HDAC9: variants seen among roughly 807,000 people sequenced by gnomAD.
HDAC9 encodes the protein MEF-2 interacting transcription repressor (MITR) protein.
A neutral mutation model predicts 139.4 loss-of-function variants in HDAC9; 41 were observed. The ratio of observed to expected loss-of-function variants is 0.29; its 90% CI spans 0.23 to 0.38. HDAC9 has a LOEUF of 0.38. HDAC9 is among the 10% of genes least tolerant of loss of function. The pLI, the probability that HDAC9 is intolerant of heterozygous loss-of-function variation, is 1.00. For missense variants in HDAC9, 1,147 were observed against 1,297.0 expected (o/e 0.88, Z 1.78); for synonymous variants, 517 against 476.2 (o/e 1.09, Z -1.12).
chr7:18,725,717 C>G (rs150000421), intron 12 of HDAC9, among the ~76,000 whole-genome samples: 3 of 152,222 alleles, frequency 2.0e-5, no homozygotes, highest in East Asian at 3.9e-4. Flanking sequence ...GCTTCCTTTT[C>G]CCGACATAAC....
At chr7:18,641,266 T>C (rs1270268001) in intron 8 of HDAC9, among the ~76,000 whole-genome samples, 1 of 152,070 alleles carries the variant, frequency 6.6e-6, no homozygotes, top group Non-Finnish European at 1.5e-5. Flanking sequence ...AGGAGAGAAA[T>C]TAAATAAGAT....
chr7:18,501,353 G>A (rs1214073078), intron 2 of HDAC9, among the ~76,000 whole-genome samples: 7 of 151,932 alleles, frequency 4.6e-5, no homozygotes, highest in Non-Finnish European at 8.8e-5. Context: ...CCCTTTCTGA[G>A]CAGGGACAGA....
chr7:18,290,176 G>A (rs966298380), upstream of HDAC9: 4 of 203,676 alleles, frequency 2.0e-5, no homozygotes, highest in Admixed American at 1.0e-4. Context: ...GCTGGTTTCT[G>A]TAGTCTATTA....
intron 24 of HDAC9, among the ~76,000 whole-genome samples, chr7:18,968,038 C>T (rs1362433682): frequency 1.3e-5 from 2 of 151,304 alleles, no homozygotes; most frequent in African/African-American, 2.4e-5. Context: ...GGCATATGCC[C>T]GTAATCCCAG....
At chr7:18,228,942 A>G (rs1178875408) in intron 2 of HDAC9, among the ~76,000 whole-genome samples, 1 of 152,192 alleles carries the variant, frequency 6.6e-6, no homozygotes, top group Non-Finnish European at 1.5e-5. Context: ...GTCAAAATCC[A>G]GTATGGGAAC....
chr7:18,789,987 A>G (rs184706296), intron 16 of HDAC9, among the ~76,000 whole-genome samples: 1 of 152,266 alleles, frequency 6.6e-6, no homozygotes, highest in Admixed American at 6.5e-5. Context: ...GAGGAAAAAT[A>G]TTTTTACCAT....
chr7:18,379,400 A>G (rs1785245671), intron 1 of HDAC9, among the ~76,000 whole-genome samples: 1 of 152,164 alleles, frequency 6.6e-6, no homozygotes, highest in Admixed American at 6.5e-5. Flanking sequence ...TGCTATGAGA[A>G]ATCTGTTTGT....
At chr7:18,519,885 C>T (rs1250921491) in intron 2 of HDAC9, among the ~76,000 whole-genome samples, 1 of 151,882 alleles carries the variant, frequency 6.6e-6, no homozygotes, top group South Asian at 2.1e-4. Context: ...AAATACAAGT[C>T]ATTAAAGTTA....
chr7:18,415,157 C>G (rs1788932264), intron 1 of HDAC9, among the ~76,000 whole-genome samples: 1 of 152,158 alleles, frequency 6.6e-6, no homozygotes, highest in Admixed American at 6.5e-5. Context: ...CCTCTCCCTC[C>G]TGGTACACTG....
chr7:18,190,563 A>G (rs904201991), intron 2 of HDAC9, among the ~76,000 whole-genome samples: 1 of 152,240 alleles, frequency 6.6e-6, no homozygotes, highest in Non-Finnish European at 1.5e-5. Context: ...ATTGCAAGAT[A>G]AAAGGCATTA....
intron 13 of HDAC9, among the ~76,000 whole-genome samples, chr7:18,738,059 T>G (rs972077518): frequency 6.6e-6 from 1 of 152,246 alleles, no homozygotes; most frequent in Non-Finnish European, 1.5e-5. Flanking sequence ...AAAGTCTGTT[T>G]TATCAGAGAC....
chr7:18,501,311 GA>G (rs1213260745), intron 2 of HDAC9, among the ~76,000 whole-genome samples: 3 of 152,016 alleles, frequency 2.0e-5, no homozygotes, highest in Non-Finnish European at 4.4e-5. Flanking sequence ...AGAGAGGTGA[GA>G]TGGAAGGATG....
chr7:18,238,444 A>C (rs1480182096), intron 2 of HDAC9, among the ~76,000 whole-genome samples: 1 of 152,176 alleles, frequency 6.6e-6, no homozygotes, highest in Non-Finnish European at 1.5e-5. Flanking sequence ...CCACACATTA[A>C]CACTAGCGTA....
rs147542768 is a variant in HDAC9, at chr7:18,933,147, T to C, written c.2804-2662T>C. ...CAAAATACGATAGACTGATAGCTTA[T>C]AAACAACAGAAATTTATTTCTCACA... On this transcript the variant is annotated intron_variant, in intron 22 of 25. Transcript: ENST00000686413. 1.9e-3 allele frequency among the ~76,000 whole-genome samples: 282 copies of C among 152,260 alleles called. 7 individuals carry two copies. Among genetic ancestry groups the C allele is most frequent in the East Asian group, 1.4e-3 (7 of 5,180 alleles).
intron 23 of HDAC9, among the ~76,000 whole-genome samples, chr7:18,946,738 A>G (rs1457912006): frequency 1.3e-5 from 2 of 152,134 alleles, no homozygotes; most frequent in Non-Finnish European, 2.9e-5. Flanking sequence ...CACGTCTCTC[A>G]GTAACTGATA....
intron 12 of HDAC9, among the ~76,000 whole-genome samples, chr7:18,721,554 G>A (rs1785146323): frequency 6.6e-6 from 1 of 151,988 alleles, no homozygotes; most frequent in Non-Finnish European, 1.5e-5. Context: ...TGTATTTTCA[G>A]AGTATGCATT....
chr7:18,091,767 A>G (rs1041327957), intron 1 of HDAC9, among the ~76,000 whole-genome samples: 18 of 152,186 alleles, frequency 1.2e-4, no homozygotes, highest in African/African-American at 4.1e-4. Context: ...TCCACTTTCA[A>G]GCTCTTTTCT....
chr7:18,632,269 T>A (rs1369769821), intron 7 of HDAC9, among the ~76,000 whole-genome samples: 1 of 152,078 alleles, frequency 6.6e-6, no homozygotes, highest in African/African-American at 2.4e-5. Flanking sequence ...AAAATGTGTT[T>A]AAGTATTTTA....
chr7:18,792,267 T>TAA (rs79869842), intron 16 of HDAC9, among the ~76,000 whole-genome samples: 1,953 of 141,282 alleles, frequency 0.014, 60 homozygotes, highest in African/African-American at 0.049. Flanking sequence ...CTTTTTTTTT[T>TAA]AAAAAAAAAA....
Sources: allele counts gnomAD v4.1 joint callset (sites outside exome capture counted in the v4.1 genomes callset), GRCh38; gene constraint gnomAD v4.1.1; transcripts MANE v1.5; gene names NCBI Gene and HGNC (gene_info 2026-07-23, HGNC 2026-07-21).